TBK1: variants seen among roughly 807,000 people sequenced by gnomAD.
TBK1 encodes the protein TANK binding kinase 1, also known as serine/threonine-protein kinase TBK1.
In TBK1, 37 loss-of-function variants were observed where a neutral mutation model predicts 99.9. That is an observed-to-expected ratio of 0.37 (90% confidence interval 0.28 to 0.49). The LOEUF is 0.49. Among genes scored for constraint, TBK1 ranks in the 20% least tolerant of loss-of-function variants. The probability of loss-of-function intolerance (pLI) is 0.98; values close to 1 mark genes in which losing one functional copy is unlikely to be tolerated. For synonymous variants in TBK1, 258 were observed against 279.8 expected (o/e 0.92, Z 0.78); for missense variants, 644 against 872.5 (o/e 0.74, Z 3.30).
intron 6 of TBK1, among the ~76,000 whole-genome samples, chr12:64,478,020 A>G (rs1459018542): frequency 6.6e-6 from 1 of 152,278 alleles, no homozygotes; most frequent in Non-Finnish European, 1.5e-5. Flanking sequence ...CCACATACAC[A>G]TAAAACTATG....
chr12:64,455,899 T>C lies in TBK1; in HGVS notation c.29T>C (p.Leu10Pro). 1.2e-6 allele frequency: 2 copies of C among 1,614,016 alleles called. No homozygotes were observed. Among genetic ancestry groups the C allele is most frequent in the Non-Finnish European group, 1.7e-6 (2 of 1,179,960 alleles). Reference sequence around the variant, plus strand: ...CAGAGCACTTCTAATCATCTGTGGCTTTTATCTGATATTTTAGGCCAAGGA... The same window carrying C: ...CAGAGCACTTCTAATCATCTGTGGCCTTTATCTGATATTTTAGGCCAAGGA... MQSTSNHLW[L>P]LSDILGQGAT... The change falls in exon 2 of 21, where the codon CTT becomes CCT. Residue 10 changes from leucine to proline, a missense_variant. Physicochemically the swap from Leu to Pro is moderately conservative, Grantham distance 98. Around this residue, in one of 3 missense-constraint regions of TBK1, gnomAD observed 148 missense variants for 202.1 expected, o/e 0.73. Coordinates refer to ENST00000331710, the MANE Select transcript of TBK1 (RefSeq NM_013254.4).
rs1483416310 is a variant in TBK1, at chr12:64,466,834, A to G, written c.359-67A>G. 7.8e-6 allele frequency: 10 copies of G among 1,279,020 alleles called. No individual in the cohort carries two copies. In the African/African-American group the frequency reaches 1.1e-4, roughly 14 times the overall value. 79.2% of individuals were successfully genotyped at this position (1,279,020 alleles called of 1,614,324 possible). ...TAAGTTTGGGTGACTATATCAATGAATTTGAGACATGCACACATACACGTA... is the reference window on the plus strand; with the variant it reads ...TAAGTTTGGGTGACTATATCAATGAGTTTGAGACATGCACACATACACGTA... On this transcript the variant is annotated intron_variant, in intron 4 of 20. Coordinates refer to ENST00000331710, the MANE Select transcript of TBK1 (RefSeq NM_013254.4).
intron 6 of TBK1, among the ~76,000 whole-genome samples, chr12:64,479,478 T>C (rs2040746557): frequency 6.6e-6 from 1 of 152,242 alleles, no homozygotes; most frequent in Non-Finnish European, 1.5e-5. Flanking sequence ...AAAGCACATT[T>C]ACTTTAATGT....
At chr12:64,500,825 C>A (rs373423903) in intron 20 of TBK1, among the ~76,000 whole-genome samples, 37 of 135,910 alleles carry the variant, frequency 2.7e-4, no homozygotes, top group African/African-American at 1.0e-3. Context: ...GTGGCATGAT[C>A]TCGGCTCACT....
intron 13 of TBK1, among the ~76,000 whole-genome samples, chr12:64,494,539 TTG>T (rs572820460): frequency 1.6e-3 from 238 of 152,120 alleles, no homozygotes; most frequent in African/African-American, 5.4e-3. Context: ...TGCAAATAAG[TTG>T]GGAAAATGTG....
intron 3 of TBK1, 48 bp downstream of exon 3, chr12:64,460,377 G>T: frequency 7.3e-7 from 1 of 1,377,768 alleles, no homozygotes; most frequent in South Asian, 1.6e-5. Flanking sequence ...TACGAGTCAA[G>T]AAATAGAACC....
intron 9 of TBK1, 111 bp from the exon 10 acceptor site, chr12:64,485,339 CTACAT>C (rs1483454847): frequency 4.2e-6 from 2 of 480,508 alleles, no homozygotes; most frequent in African/African-American, 4.0e-5. Flanking sequence ...ATCACGAAAA[CTACAT>C]TACAGATTTT....
In TBK1 at chr12:64,497,632, T is replaced by TTTTTTTTTA; in HGVS notation, c.1960-11_1960-10insTTTATTTTT. 1 of 1,484,482 alleles carries TTTTTTTTTA rather than the reference T, an allele frequency of 6.7e-7. No homozygotes were observed. The highest frequency in any genetic ancestry group is 1.3e-5 in the South Asian group (1 of 78,564). 92.0% of individuals were successfully genotyped at this position (1,484,482 alleles called of 1,614,324 possible). On this transcript the variant is annotated splice_polypyrimidine_tract_variant and intron_variant, in intron 18 of 20. Transcript: ENST00000331710. ...TGTGGGGTTTTTTTCTTTTTTTTTT[T>TTTTTTTTTA]TTTTTGATGTTTCAGTTACAAGAAA...
chr12:64,472,909 A>G (rs2040676187), intron 5 of TBK1, among the ~76,000 whole-genome samples: 1 of 152,182 alleles, frequency 6.6e-6, no homozygotes, highest in African/African-American at 2.4e-5. Flanking sequence ...TTGGTGTAAT[A>G]TGTCCTATGT....
At chr12:64,458,417 ATGAG>A (rs979869442) in intron 2 of TBK1, among the ~76,000 whole-genome samples, 3 of 151,822 alleles carry the variant, frequency 2.0e-5, no homozygotes, top group African/African-American at 7.3e-5. Flanking sequence ...TTACTAAAGT[ATGAG>A]TGTGGGTGTG....
rs768202943 is a variant in TBK1 at position 64,455,845 on chromosome 12, CAA to C, written c.-25_-24del. On this transcript the variant is annotated 5_prime_UTR_variant, in exon 2 of 21. Coordinates refer to ENST00000331710, the MANE Select transcript of TBK1 (RefSeq NM_013254.4). ...AAATTTTTTTTTTCTCTTAGTATAACAAGAGGATTGCCTGATCCAGCCAAGAT... is the reference window on the plus strand; with the variant it reads ...AAATTTTTTTTTTCTCTTAGTATAACGAGGATTGCCTGATCCAGCCAAGAT... The C allele has an allele frequency of 2.5e-6, 4 of 1,578,854 alleles. No individual in the cohort carries two copies. Among genetic ancestry groups the C allele is most frequent in the Non-Finnish European group, 3.4e-6 (4 of 1,163,942 alleles).
At chr12:64,499,474 A>C (rs2040964487) in intron 20 of TBK1, among the ~76,000 whole-genome samples, 1 of 152,046 alleles carries the variant, frequency 6.6e-6, no homozygotes, top group Non-Finnish European at 1.5e-5. Flanking sequence ...ATCTTATTTT[A>C]ATTTATATTT....
Position 64,490,094 on chromosome 12 carries a change from C to G in TBK1, c.1496C>G (p.Ser499Ter), listed in dbSNP as rs1280163869. Residue 499 changes from serine to a stop codon, truncating the protein, a stop_gained, in exon 13 of 21, where the codon TCA becomes TGA. Coordinates refer to ENST00000331710, the MANE Select transcript of TBK1 (RefSeq NM_013254.4). LOFTEE classifies it high-confidence loss of function. ...GAAGCGGCAGAGTTAGGTGAAATTT[C>G]AGACATACACACCAAATTGTTGAGA... is the stretch of plus-strand genomic sequence containing the variant. The part of the protein sequence containing the change: ...NLEAAELGEI[S>*]DIHTKLLRLS... 1 of 1,611,100 alleles carries G rather than the reference C, an allele frequency of 6.2e-7. No individual in the cohort carries two copies. Among genetic ancestry groups the G allele is most frequent in the Non-Finnish European group, 8.5e-7 (1 of 1,178,512 alleles).
chr12:64,478,757 C>T (rs953743512), intron 6 of TBK1, among the ~76,000 whole-genome samples: 3 of 152,166 alleles, frequency 2.0e-5, no homozygotes, highest in Non-Finnish European at 4.4e-5. Context: ...GAAATCTCTT[C>T]ATTAATAAAA....
At chr12:64,464,237 T>C in intron 3 of TBK1, 97 bp from the exon 4 acceptor site, 1 of 1,003,490 alleles carries the variant, frequency 1.0e-6, no homozygotes, top group South Asian at 1.7e-5. Context: ...TTCATCATTG[T>C]AGCAAATCCT....
At chr12:64,459,636 T>G (rs546719372) in intron 2 of TBK1, among the ~76,000 whole-genome samples, 1 of 152,176 alleles carries the variant, frequency 6.6e-6, no homozygotes, top group Non-Finnish European at 1.5e-5. Context: ...AAGTCTACTT[T>G]AGCCTCGCTC....
chr12:64,473,272 A>G (rs2040679262), intron 5 of TBK1, among the ~76,000 whole-genome samples: 1 of 152,220 alleles, frequency 6.6e-6, no homozygotes, highest in African/African-American at 2.4e-5. Flanking sequence ...TAAAGCATAC[A>G]TATGATATTT....
chr12:64,462,871 A>T (rs1353155198), intron 3 of TBK1, among the ~76,000 whole-genome samples: 1 of 152,228 alleles, frequency 6.6e-6, no homozygotes, highest in East Asian at 1.9e-4. Context: ...AATCAATGGT[A>T]CATTAAAATT....
intron 13 of TBK1, among the ~76,000 whole-genome samples, chr12:64,491,956 A>G (rs2040874169): frequency 6.6e-6 from 1 of 152,246 alleles, no homozygotes; most frequent in Non-Finnish European, 1.5e-5. Flanking sequence ...GTATATACAC[A>G]CTTTAAATGT....
Sources: allele counts gnomAD v4.1 joint callset (sites outside exome capture counted in the v4.1 genomes callset), GRCh38; gene constraint gnomAD v4.1.1; regional missense constraint gnomAD v4.1.1; transcripts MANE v1.5; gene names NCBI Gene and HGNC (gene_info 2026-07-23, HGNC 2026-07-21).